GTF3C1: variants seen among roughly 807,000 people sequenced by gnomAD.
GTF3C1 encodes general transcription factor 3C polypeptide 1.
GTF3C1 carries 57 observed loss-of-function variants against 226.7 expected under a neutral mutation model. The observed-to-expected ratio is 0.25, with a 90% CI of 0.20 to 0.31. GTF3C1 has a LOEUF of 0.31. Among genes scored for constraint, GTF3C1 ranks in the 10% least tolerant of loss-of-function variants. The pLI, the probability that GTF3C1 is intolerant of heterozygous loss-of-function variation, is 1.00. For synonymous variants in GTF3C1, 1,090 were observed against 1,084.8 expected (o/e 1.00, Z -0.09); for missense variants, 2,217 against 2,776.1 (o/e 0.80, Z 4.53).
intron 6 of GTF3C1, among the ~76,000 whole-genome samples, chr16:27,514,263 C>T (rs1445879816): frequency 6.6e-6 from 1 of 152,220 alleles, no homozygotes. Flanking sequence ...CGCCGGGGCT[C>T]CTGCCGTCCC....
At chr16:27,512,941 A>G (rs1289601961) in intron 6 of GTF3C1, among the ~76,000 whole-genome samples, 3 of 152,294 alleles carry the variant, frequency 2.0e-5, no homozygotes, top group East Asian at 3.9e-4. Flanking sequence ...ATATCCTGTG[A>G]TACGCGACAA....
intron 26 of GTF3C1, among the ~76,000 whole-genome samples, chr16:27,482,103 G>A (rs1008686426): frequency 4.8e-4 from 73 of 152,150 alleles, no homozygotes; most frequent in African/African-American, 1.7e-3. Flanking sequence ...GCTGTCCCCT[G>A]ATACAAGGGC....
rs2089023204 is a variant in GTF3C1, at chr16:27,537,818, T to C, written c.718A>G (p.Ile240Val). 3 of 1,612,508 alleles carry C rather than the reference T, an allele frequency of 1.9e-6. No individual in the cohort carries two copies. Among genetic ancestry groups the C allele is most frequent in the South Asian group, 1.1e-5 (1 of 91,046 alleles). ...TGAAACCGGTTCAGTAGGAGGAGGA[T>C]TGAGTGTTGCTGGGCTCCAGTGGGT... ...RLPTGAQQHS[I>V]LLLLNRFHVD... The change falls in exon 4 of 37, where the codon ATC (isoleucine) becomes GTC (valine). Residue 240 changes from isoleucine (I) to valine (V), a missense_variant. Ile to Val is a conservative substitution (Grantham distance 29, BLOSUM62 3). This residue lies in a region of GTF3C1 where 163 missense variants were observed against 234.3 expected (regional missense o/e 0.70). Transcript: ENST00000356183.
intron 5 of GTF3C1, among the ~76,000 whole-genome samples, chr16:27,532,209 G>A (rs1265547515): frequency 6.6e-6 from 1 of 152,190 alleles, no homozygotes; most frequent in Non-Finnish European, 1.5e-5. Context: ...TGGGCCACAA[G>A]CCTCCAGACT....
In GTF3C1 at chr16:27,463,957, C is replaced by T. The variant is rs534184008; in HGVS notation, c.5872+363G>A. 8 of 421,142 alleles carry T rather than the reference C, an allele frequency of 1.9e-5. No homozygotes were observed. The highest frequency in any genetic ancestry group is 4.7e-5 in the East Asian group (1 of 21,168). The allele number at this position is 421,142 out of a possible 1,614,324, so 26.1% of individuals were successfully genotyped here. A position where few individuals can be genotyped will look rare whatever the true frequency, so the allele number is the denominator to read the frequency against. On this transcript the variant is annotated intron_variant, in intron 34 of 36. Transcript: ENST00000356183. The surrounding 1 kb of genome is among the most constrained non-coding windows in gnomAD (Gnocchi z 4.9). ...GCCCAGAGAAGCCACATGAGAAGGCCGCTGCTGATGACAGACGTGCAGGAA... is the reference window on the plus strand; with the variant it reads ...GCCCAGAGAAGCCACATGAGAAGGCTGCTGCTGATGACAGACGTGCAGGAA...
At chr16:27,527,477 C>T (rs1357170605) in intron 6 of GTF3C1, among the ~76,000 whole-genome samples, 1 of 152,082 alleles carries the variant, frequency 6.6e-6, no homozygotes, top group African/African-American at 2.4e-5. Context: ...GCCACCGTGC[C>T]CAGACTAAGG....
In GTF3C1 at chr16:27,470,167, C is replaced by T. The variant is rs1186422312; in HGVS notation, c.4755G>A (p.Arg1585=). 2 of 1,613,988 alleles carry T rather than the reference C, an allele frequency of 1.2e-6. No homozygotes were observed. The highest frequency in any genetic ancestry group is 3.3e-5 in the Admixed American group (2 of 60,024). The stretch of plus-strand genomic sequence containing the variant: ...CTACCACGATGATCTGCTCCGGGAT[C>T]CTGACATCCACAGAAATGAGGCCCA... ...FSLGLISVDV[R]IPEQIIVVDS... Residue 1585 remains arginine (R), a synonymous_variant, in exon 31 of 37, where the codon AGG becomes AGA. Coordinates refer to ENST00000356183, the MANE Select transcript of GTF3C1 (RefSeq NM_001520.4). The surrounding 1 kb of genome is among the most constrained non-coding windows in gnomAD (Gnocchi z 4.9).
At position 27,463,766 on chromosome 16, in the gene GTF3C1, G is replaced by T; in HGVS notation, c.5873-174C>A. 1 of 651,566 alleles carries T rather than the reference G, an allele frequency of 1.5e-6. No individual in the cohort carries two copies. The highest frequency in any genetic ancestry group is 2.7e-6 in the Non-Finnish European group (1 of 365,136). 40.4% of individuals were successfully genotyped at this position (651,566 alleles called of 1,614,324 possible). A position where few individuals can be genotyped will look rare whatever the true frequency, so the allele number is the denominator to read the frequency against. ...CAGAGCGGCCACCCTGGAGGTGGCA[G>T]GGCCGGGCAGACTGCCGCACACAGC... is the stretch of plus-strand genomic sequence containing the variant. On this transcript the variant is annotated intron_variant, in intron 34 of 36. Transcript: ENST00000356183. The surrounding 1 kb of genome is among the most constrained non-coding windows in gnomAD (Gnocchi z 4.9).
chr16:27,511,681 T>C, intron 7 of GTF3C1, 68 bp downstream of exon 7: 2 of 1,532,566 alleles, frequency 1.3e-6, no homozygotes, highest in Non-Finnish European at 1.8e-6. Context: ...TCTCGACATG[T>C]GGGCAAAGCG....
chr16:27,540,712 T>C (rs118069057), intron 2 of GTF3C1, among the ~76,000 whole-genome samples: 1 of 152,336 alleles, frequency 6.6e-6, no homozygotes, highest in Non-Finnish European at 1.5e-5. Flanking sequence ...AGGTCATAAC[T>C]TCTCTCACAG....
rs2087722901 is a variant in GTF3C1, at chr16:27,462,607, A to G, written c.5925-121T>C. 1.5e-6 allele frequency: 1 copy of G among 685,796 alleles called. No homozygotes were observed. Among genetic ancestry groups the G allele is most frequent in the Non-Finnish European group, 2.5e-6 (1 of 397,690 alleles). 42.5% of individuals were successfully genotyped at this position (685,796 alleles called of 1,614,324 possible). ...CCAGGTCACAGGGCTGAGACCAGCC[A>G]CCTCTTGCTCTCTGCTTTCCAAACT... On this transcript the variant is annotated intron_variant, in intron 35 of 36. Coordinates refer to ENST00000356183, the MANE Select transcript of GTF3C1 (RefSeq NM_001520.4). The surrounding 1 kb of genome is among the most constrained non-coding windows in gnomAD (Gnocchi z 4.5).
intron 5 of GTF3C1, among the ~76,000 whole-genome samples, chr16:27,530,922 A>G (rs2088906213): frequency 6.6e-6 from 1 of 152,094 alleles, no homozygotes; most frequent in Non-Finnish European, 1.5e-5. Flanking sequence ...TCACCTCTAC[A>G]TCCCAGTGCA....
intron 26 of GTF3C1, among the ~76,000 whole-genome samples, chr16:27,482,330 C>T (rs1192768928): frequency 6.6e-6 from 1 of 152,152 alleles, no homozygotes; most frequent in African/African-American, 2.4e-5. Flanking sequence ...CTACCCTCAA[C>T]TGCTTGGCAT....
rs139756750 is a variant in GTF3C1, at chr16:27,515,283, A to G, written c.974-3382T>C. Among the ~76,000 whole-genome samples the G allele has an allele frequency of 2.6e-3, 395 of 152,142 alleles. 4 individuals are homozygous for G. The highest frequency in any genetic ancestry group is 0.017 in the Middle Eastern group (5 of 294). ...AACAGAGCAAGACTTCATTTCCATA[A>G]CAAATACAAAAAATTAGCTATAGGC... On this transcript the variant is annotated intron_variant, in intron 6 of 36. Coordinates refer to ENST00000356183, the MANE Select transcript of GTF3C1 (RefSeq NM_001520.4).
chr16:27,486,181 G>A (rs979566122), intron 23 of GTF3C1, 27 bp from the exon 24 acceptor site: 21 of 1,494,104 alleles, frequency 1.4e-5, no homozygotes, highest in Non-Finnish European at 1.9e-5. Context: ...GAGAAGGCAG[G>A]AGACCTCTAA....
At position 27,503,014 on chromosome 16, in the gene GTF3C1, G is replaced by A; in HGVS notation, c.1771-19C>T. 1 of 1,606,616 alleles carries A rather than the reference G, an allele frequency of 6.2e-7. No individual in the cohort carries two copies. Among genetic ancestry groups the A allele is most frequent in the Non-Finnish European group, 8.5e-7 (1 of 1,173,370 alleles). Reference sequence around the variant, plus strand: ...TACTCTCCTAGAACAGAGACCGAAAGCACAAGATGCAATGGGCTCGGCAAG... The same window carrying A: ...TACTCTCCTAGAACAGAGACCGAAAACACAAGATGCAATGGGCTCGGCAAG... On this transcript the variant is annotated intron_variant, in intron 10 of 36. Coordinates refer to ENST00000356183, the MANE Select transcript of GTF3C1 (RefSeq NM_001520.4).
At chr16:27,482,275 G>T (rs187465414) in intron 26 of GTF3C1, among the ~76,000 whole-genome samples, 5 of 152,272 alleles carry the variant, frequency 3.3e-5, no homozygotes, top group Admixed American at 2.6e-4. Context: ...CAGGAACCTG[G>T]GAGCCTGATG....
Position 27,462,518 on chromosome 16 carries a change from G to C in GTF3C1, c.5925-32C>G, listed in dbSNP as rs200563950. 1.5e-5 allele frequency: 24 copies of C among 1,566,760 alleles called. No homozygotes were observed. In the East Asian group the frequency reaches 4.7e-4, roughly 31 times the overall value. On this transcript the variant is annotated intron_variant, in intron 35 of 36. Coordinates refer to ENST00000356183, the MANE Select transcript of GTF3C1 (RefSeq NM_001520.4). The surrounding 1 kb of genome is among the most constrained non-coding windows in gnomAD (Gnocchi z 4.5). ...GGAGAGGGCTTGACATCAGGGCTTGGTGGGGGCAGGAGGGCAGCTCGTCCA... is the reference window on the plus strand; with the variant it reads ...GGAGAGGGCTTGACATCAGGGCTTGCTGGGGGCAGGAGGGCAGCTCGTCCA...
intron 5 of GTF3C1, among the ~76,000 whole-genome samples, 186 bp downstream of exon 5, chr16:27,533,105 C>G (rs1039363682): frequency 3.9e-5 from 6 of 152,162 alleles, no homozygotes; most frequent in African/African-American, 1.4e-4. Flanking sequence ...GCACCCCAGC[C>G]AGGGCAACAG....
Sources: gnomAD v4.1 joint callset for allele counts (sites outside exome capture counted in the v4.1 genomes callset) on GRCh38, gnomAD v4.1.1 for gene constraint, gnomAD v4.1.1 regional missense constraint, Gnocchi (gnomAD v3.1) non-coding constraint, MANE v1.5 for transcripts, NCBI Gene and HGNC (gene_info 2026-07-23, HGNC 2026-07-21) for gene names.